ELMOD3: variants seen among roughly 807,000 people sequenced by gnomAD.
ELMOD3 encodes the protein ELMO domain containing 3, also known as ELMO domain-containing protein 3.
In ELMOD3, 36 loss-of-function variants were observed where a neutral mutation model predicts 47.4. That is an observed-to-expected ratio of 0.76 (90% CI 0.58 to 1.00). ELMOD3 has a LOEUF of 1.00. Ranked by LOEUF, ELMOD3 falls within the 50% of genes least tolerant of loss-of-function variation. The pLI is 0.00. For missense variants in ELMOD3, 404 were observed against 463.8 expected, an observed-to-expected ratio of 0.87 and a Z score of 1.18; for synonymous variants, 149 against 183.5, an observed-to-expected ratio of 0.81 and a Z score of 1.52.
At chr2:85,362,107 A>C in intron 4 of ELMOD3, 79 bp from the exon 5 acceptor site, 1 of 975,376 alleles carries the variant, frequency 1.0e-6, no homozygotes, top group Non-Finnish European at 1.6e-6. Flanking sequence ...AGTTAAAAAA[A>C]AAAAAAGTAT....
intron 6 of ELMOD3, among the ~76,000 whole-genome samples, chr2:85,364,825 A>ATATATATATTTTTTTTTTTT (rs375582916): frequency 2.9e-5 from 2 of 69,892 alleles, no homozygotes; most frequent in African/African-American, 1.3e-4. Flanking sequence ...ATATATATAT[A>ATATATATATTTTTTTTTTTT]TTTTTTTTTT....
chr2:85,383,508 C>CA (rs1274341174), intron 11 of ELMOD3, among the ~76,000 whole-genome samples: 2 of 152,030 alleles, frequency 1.3e-5, no homozygotes, highest in Non-Finnish European at 2.9e-5. Flanking sequence ...CAGGTCCAGA[C>CA]AGAGATAGAG....
Position 85,369,787 on chromosome 2 carries a change from A to G in ELMOD3, c.317A>G (p.Glu106Gly). ...EQPGQLISFS[E>G]ALQHFQTVDL... Reference sequence around the variant, plus strand: ...CCTGGGCAGCTAATCTCCTTCAGTGAGGCCCTGCAGCACTTCCAGACTGTG... The same window carrying G: ...CCTGGGCAGCTAATCTCCTTCAGTGGGGCCCTGCAGCACTTCCAGACTGTG... The change falls in exon 8 of 14, where the codon GAG becomes GGG. Residue 106 changes from glutamate to glycine, a missense_variant. Coordinates refer to ENST00000409013, the MANE Select transcript of ELMOD3 (RefSeq NM_001135022.2). The G allele has an allele frequency of 6.2e-7, 1 of 1,614,120 alleles. No homozygotes were observed. The highest frequency in any genetic ancestry group is 8.5e-7 in the Non-Finnish European group (1 of 1,179,982).
chr2:85,389,839 A>G lies in ELMOD3; in HGVS notation c.815+12A>G, dbSNP rs188463261. On this transcript the variant is annotated intron_variant, in intron 12 of 13. Coordinates refer to ENST00000409013, the MANE Select transcript of ELMOD3 (RefSeq NM_001135022.2). ...GAGTGTCTCTCCAGGTGAGTCCCCAAACACCAGCTGGTTAGAGTGACCCAG... is the reference window on the plus strand; with the variant it reads ...GAGTGTCTCTCCAGGTGAGTCCCCAGACACCAGCTGGTTAGAGTGACCCAG... 3.1e-4 allele frequency: 496 copies of G among 1,610,620 alleles called. 3 individuals carry two copies. In the African/African-American group the frequency reaches 5.9e-3, roughly 19 times the overall value.
rs767120998 is a variant in ELMOD3, at chr2:85,390,209, C to T, written c.887C>T (p.Ala296Val). ...SFYAATFLHL[A>V]HVWRTQRKTI... Reference sequence around the variant, plus strand: ...TATGCCGCCACATTCCTCCACCTCGCACATGTCTGGAGGACACAGCGGAAG... The same window carrying T: ...TATGCCGCCACATTCCTCCACCTCGTACATGTCTGGAGGACACAGCGGAAG... The change falls in exon 13 of 14, where the codon GCA (alanine) becomes GTA (valine). Residue 296 changes from alanine (A) to valine (V), a missense_variant. Coordinates refer to ENST00000409013, the MANE Select transcript of ELMOD3 (RefSeq NM_001135022.2). 1.4e-5 allele frequency: 22 copies of T among 1,614,224 alleles called. No homozygotes were observed. Among genetic ancestry groups the T allele is most frequent in the Non-Finnish European group, 1.9e-5 (22 of 1,180,034 alleles).
At chr2:85,360,970 T>A (rs531997935) in intron 4 of ELMOD3, 5 of 155,086 alleles carry the variant, frequency 3.2e-5, no homozygotes, top group African/African-American at 1.2e-4. Flanking sequence ...TAACAAACTA[T>A]AGAAATGATG....
chr2:85,369,778 C>A lies in ELMOD3; in HGVS notation c.308C>A (p.Ser103Tyr). 6.2e-7 allele frequency: 1 copy of A among 1,614,104 alleles called. No individual in the cohort carries two copies. The highest frequency in any genetic ancestry group is 2.2e-5 in the East Asian group (1 of 44,880). Residue 103 changes from serine (S) to tyrosine (Y), a missense_variant, in exon 8 of 14, where the codon TCC becomes TAC. By Grantham distance (144) the Ser-to-Tyr change is moderately radical. Transcript: ENST00000409013. ...ASSEQPGQLI[S>Y]FSEALQHFQT... ...TCAGAGCAGCCTGGGCAGCTAATCT[C>A]CTTCAGTGAGGCCCTGCAGCACTTC...
intron 4 of ELMOD3, chr2:85,360,821 T>C (rs1683899653): frequency 3.6e-6 from 1 of 274,816 alleles, no homozygotes. Context: ...GGAAATTCTT[T>C]CACTGGTAGA....
chr2:85,388,983 A>T (rs1686126062), intron 11 of ELMOD3, among the ~76,000 whole-genome samples: 1 of 152,172 alleles, frequency 6.6e-6, no homozygotes, highest in African/African-American at 2.4e-5. Context: ...GGAAAATAAC[A>T]TGTCATGTCT....
intron 8 of ELMOD3, 84 bp from the exon 9 acceptor site, chr2:85,371,002 A>C: frequency 6.7e-7 from 1 of 1,494,682 alleles, no homozygotes. Flanking sequence ...TTCTGCAAGC[A>C]CTGCCTCTGG....
intron 6 of ELMOD3, among the ~76,000 whole-genome samples, chr2:85,367,375 G>A (rs1684460778): frequency 1.3e-5 from 2 of 152,204 alleles, no homozygotes; most frequent in South Asian, 4.1e-4. Context: ...AGTGCCTGGA[G>A]TCTTGATTCC....
At chr2:85,357,393 T>G in intron 4 of ELMOD3, 141 bp downstream of exon 4, 2 of 500,950 alleles carry the variant, frequency 4.0e-6, no homozygotes, top group Non-Finnish European at 7.0e-6. Context: ...AAGGAGCTTC[T>G]ATTCACCTCA....
At chr2:85,374,921 C>A (rs1685065870) in intron 10 of ELMOD3, among the ~76,000 whole-genome samples, 1 of 151,818 alleles carries the variant, frequency 6.6e-6, no homozygotes, top group Non-Finnish European at 1.5e-5. Flanking sequence ...CTAGCCTGGC[C>A]AATATGGTGA....
chr2:85,373,510 C>T (rs977597450), intron 10 of ELMOD3, among the ~76,000 whole-genome samples: 2 of 151,996 alleles, frequency 1.3e-5, no homozygotes, highest in African/African-American at 2.4e-5. Context: ...AGAGCTGTGA[C>T]ACTGCAATAT....
At chr2:85,378,452 C>G (rs1685322528) in intron 11 of ELMOD3, among the ~76,000 whole-genome samples, 1 of 152,130 alleles carries the variant, frequency 6.6e-6, no homozygotes, top group Non-Finnish European at 1.5e-5. Flanking sequence ...CATGAGACAT[C>G]AATTAACATA....
In ELMOD3 at chr2:85,377,393, G is replaced by T. The variant is rs765449481; in HGVS notation, c.657G>T (p.Leu219=). ...GAGGCGCAGGCTTCCTTGCCCTCCT[G>T]CATCTGCTCTACCTGGTGATGGACT... ...DLRGAGFLAL[L]HLLYLVMDSK... Residue 219 remains leucine, a synonymous_variant, in exon 11 of 14, where the codon CTG becomes CTT. Coordinates refer to ENST00000409013, the MANE Select transcript of ELMOD3 (RefSeq NM_001135022.2). 13 of 1,610,638 alleles carry T rather than the reference G, an allele frequency of 8.1e-6. No homozygotes were observed. The highest frequency in any genetic ancestry group is 6.7e-5 in the East Asian group (3 of 44,578).
At chr2:85,369,858 C>T in intron 8 of ELMOD3, 28 bp downstream of exon 8, 1 of 1,611,236 alleles carries the variant, frequency 6.2e-7, no homozygotes, top group Admixed American at 1.7e-5. Context: ...TTTGGAGTCT[C>T]AAGCAAAGTG....
chr2:85,390,341 G>A (rs1343148652), intron 13 of ELMOD3, 76 bp downstream of exon 13: 2 of 1,614,026 alleles, frequency 1.2e-6, no homozygotes, highest in Non-Finnish European at 1.7e-6. Flanking sequence ...GTGGTTGCTA[G>A]ACTGGTTTTG....
In ELMOD3 at chr2:85,363,121, A is replaced by AT. The variant is rs776219800; in HGVS notation, c.156dup (p.Leu53SerfsTer10). The AT allele has an allele frequency of 2.5e-6, 4 of 1,612,518 alleles. No individual in the cohort carries two copies. In the African/African-American group the frequency reaches 5.3e-5, roughly 22 times the overall value. On this transcript the variant is annotated frameshift_variant, in exon 6 of 14. Transcript: ENST00000409013. LOFTEE classifies it high-confidence loss of function. Reference sequence around the variant, plus strand: ...GATCTCAGAGTTGAAGAACCATGGCATTCTCCAGGCTCTGACCACAGAAGC... The same window carrying AT: ...GATCTCAGAGTTGAAGAACCATGGCATTTCTCCAGGCTCTGACCACAGAAGC...
Sources: allele counts gnomAD v4.1 joint callset (sites outside exome capture counted in the v4.1 genomes callset), GRCh38; gene constraint gnomAD v4.1.1; transcripts MANE v1.5; gene names NCBI Gene and HGNC (gene_info 2026-07-23, HGNC 2026-07-21).